SAFB: variants seen among roughly 807,000 people sequenced by gnomAD.
The protein encoded by SAFB is scaffold attachment factor B, also known as scaffold attachment factor B1.
SAFB carries 15 observed loss-of-function variants against 101.6 expected under a neutral mutation model. That is an observed-to-expected ratio of 0.15 (90% CI 0.10 to 0.23). SAFB has a LOEUF of 0.23. Among genes scored for constraint, SAFB ranks in the 10% least tolerant of loss-of-function variants. The pLI is 1.00. For synonymous variants in SAFB, 449 were observed against 407.5 expected (o/e 1.10, Z -1.23); for missense variants, 930 against 1,104.1 (o/e 0.84, Z 2.23).
intron 16 of SAFB, 99 bp from the exon 17 acceptor site, chr19:5,664,298 A>G: frequency 1.4e-6 from 2 of 1,441,098 alleles, no homozygotes; most frequent in Admixed American, 3.4e-5. Flanking sequence ...TCCTGCCTTC[A>G]GTTAGGGAAA....
At chr19:5,632,104 T>G (rs1402216766) in intron 2 of SAFB, among the ~76,000 whole-genome samples, 2 of 152,204 alleles carry the variant, frequency 1.3e-5, no homozygotes, top group Admixed American at 1.3e-4. Context: ...CATCACAAAG[T>G]ACAAATTAAT....
chr19:5,627,546 C>T (rs934856175), intron 2 of SAFB, among the ~76,000 whole-genome samples: 12 of 152,158 alleles, frequency 7.9e-5, no homozygotes, highest in African/African-American at 2.7e-4. Context: ...GTCACTTTAA[C>T]ATTTCTTTTA....
chr19:5,636,730 G>A (rs558885832), intron 2 of SAFB, among the ~76,000 whole-genome samples: 6 of 151,408 alleles, frequency 4.0e-5, no homozygotes, highest in African/African-American at 1.5e-4. Flanking sequence ...TTTTCTTTGA[G>A]ACAGGGTCTG....
At position 5,666,999 on chromosome 19, in the gene SAFB, C is replaced by T. The variant is rs369890421; in HGVS notation, c.2335-47C>T. On this transcript the variant is annotated intron_variant, in intron 17 of 20. Coordinates refer to ENST00000588852, the MANE Select transcript of SAFB (RefSeq NM_001201338.2). Reference sequence around the variant, plus strand: ...TGCCTGAAAAGCCTTGGGGTCTGGGCGCTGACACTGAAGCTTTTTTTTCCC... The same window carrying T: ...TGCCTGAAAAGCCTTGGGGTCTGGGTGCTGACACTGAAGCTTTTTTTTCCC... 1.3e-4 allele frequency: 152 copies of T among 1,193,424 alleles called. 1 individual carries two copies. Among genetic ancestry groups the T allele is most frequent in the Middle Eastern group, 2.1e-4 (1 of 4,656 alleles). 73.9% of individuals were successfully genotyped at this position (1,193,424 alleles called of 1,614,324 possible).
chr19:5,661,342 C>G lies in SAFB; in HGVS notation c.1863-176C>G, dbSNP rs946774649. 5 of 1,134,276 alleles carry G rather than the reference C, an allele frequency of 4.4e-6. No homozygotes were observed. The South Asian group carries it at 8.1e-5, about 18-fold the overall frequency. The allele number at this position is 1,134,276 out of a possible 1,614,324, so 70.3% of individuals were successfully genotyped here. On this transcript the variant is annotated intron_variant, in intron 14 of 20. Coordinates refer to ENST00000588852, the MANE Select transcript of SAFB (RefSeq NM_001201338.2). ...CCTGGGCCTCACTCCTGAGATCTTC[C>G]TGGGCTGCTCCTGTGGGCCCGAGAA...
rs1287767364 is a variant in SAFB at position 5,626,394 on chromosome 19, C to T, written c.190-11C>T. On this transcript the variant is annotated splice_polypyrimidine_tract_variant and intron_variant, in intron 1 of 20. Transcript: ENST00000588852. Reference sequence around the variant, plus strand: ...CTTTTTGGATCAACTTTACTTTTCCCTTCTTTTTAGGCAATTGAAGATGAA... The same window carrying T: ...CTTTTTGGATCAACTTTACTTTTCCTTTCTTTTTAGGCAATTGAAGATGAA... 1 of 1,561,724 alleles carries T rather than the reference C, an allele frequency of 6.4e-7. No individual in the cohort carries two copies. Among genetic ancestry groups the T allele is most frequent in the Admixed American group, 1.7e-5 (1 of 59,698 alleles).
At chr19:5,638,943 A>G (rs772301554) in intron 2 of SAFB, among the ~76,000 whole-genome samples, 2 of 151,928 alleles carry the variant, frequency 1.3e-5, no homozygotes, top group Non-Finnish European at 1.5e-5. Flanking sequence ...GCTGTTCTCA[A>G]ACTCTTCTCT....
intron 2 of SAFB, among the ~76,000 whole-genome samples, chr19:5,632,762 G>A (rs1228276615): frequency 1.3e-5 from 2 of 152,242 alleles, no homozygotes; most frequent in South Asian, 2.1e-4. Context: ...GTTTGAAACC[G>A]GGTCTTGCCC....
chr19:5,641,513 A>T, intron 2 of SAFB, 81 bp from the exon 3 acceptor site: 2 of 1,133,830 alleles, frequency 1.8e-6, no homozygotes, highest in Non-Finnish European at 2.6e-6. Context: ...TAAAGTGACC[A>T]CTTGTGTAGT....
At chr19:5,641,184 T>G (rs2053705025) in intron 2 of SAFB, among the ~76,000 whole-genome samples, 2 of 152,200 alleles carry the variant, frequency 1.3e-5, no homozygotes, top group African/African-American at 4.8e-5. Context: ...TTTTTTCTTT[T>G]TAAGCATTAA....
intron 11 of SAFB, among the ~76,000 whole-genome samples, chr19:5,653,731 C>T (rs1203282365): frequency 1.3e-5 from 2 of 150,528 alleles, no homozygotes; most frequent in African/African-American, 2.5e-5. Flanking sequence ...CCAAAGTGCT[C>T]GGATTACAGG....
At chr19:5,626,208 C>A (rs191597127) in intron 1 of SAFB, among the ~76,000 whole-genome samples, 197 bp from the exon 2 acceptor site, 98 of 152,268 alleles carry the variant, frequency 6.4e-4, no homozygotes, top group African/African-American at 2.2e-3. Flanking sequence ...GACCACCCAG[C>A]TAAGAACTGG....
chr19:5,661,636 C>T lies in SAFB; in HGVS notation c.1981C>T (p.Arg661Trp). 1 of 1,612,374 alleles carries T rather than the reference C, an allele frequency of 6.2e-7. No homozygotes were observed. Among genetic ancestry groups the T allele is most frequent in the Non-Finnish European group, 8.5e-7 (1 of 1,179,710 alleles). The change falls in exon 15 of 21, where the codon CGG becomes TGG. Residue 661 changes from arginine (R) to tryptophan (W), a missense_variant. By Grantham distance (101) the Arg-to-Trp change is moderately radical. Coordinates refer to ENST00000588852, the MANE Select transcript of SAFB (RefSeq NM_001201338.2). ...RLAFQRQRLE[R>W]ERMERERLER... The stretch of plus-strand genomic sequence containing the variant: ...GGCCTTCCAGCGCCAGCGGCTGGAG[C>T]GGGAGCGCATGGAGCGGGAACGGCT...
chr19:5,642,865 C>A (rs895821720), intron 4 of SAFB, among the ~76,000 whole-genome samples: 1 of 151,842 alleles, frequency 6.6e-6, no homozygotes, highest in Non-Finnish European at 1.5e-5. Context: ...ACGGTTTTCA[C>A]CATGTTGGCC....
In SAFB at chr19:5,664,389, CT is replaced by C. The variant is rs753099530; in HGVS notation, c.2292-4del. On this transcript the variant is annotated splice_region_variant and splice_polypyrimidine_tract_variant and intron_variant, in intron 16 of 20. Transcript: ENST00000588852. ...CCCCTTACGGTTTGATTTAAATTGC[CT>C]TTTCAGGAGAGAAGGTTCAAGGTCA... 1.6e-5 allele frequency: 25 copies of C among 1,612,356 alleles called. No homozygotes were observed. The highest frequency in any genetic ancestry group is 1.6e-5 in the Non-Finnish European group (19 of 1,178,506).
At chr19:5,630,271 C>T (rs903826997) in intron 2 of SAFB, among the ~76,000 whole-genome samples, 1 of 152,146 alleles carries the variant, frequency 6.6e-6, no homozygotes, top group African/African-American at 2.4e-5. Flanking sequence ...ACATTTGTGT[C>T]GTCTGAATGG....
intron 2 of SAFB, among the ~76,000 whole-genome samples, chr19:5,634,641 A>T (rs190292925): frequency 1.3e-5 from 2 of 152,228 alleles, no homozygotes; most frequent in African/African-American, 4.8e-5. Context: ...AGAAACTCAT[A>T]TCCAGAAAGC....
At position 5,667,366 on chromosome 19, in the gene SAFB, G is replaced by T. The variant is rs1476303230; in HGVS notation, c.2473G>T (p.Asp825Tyr). ...TTCAAGGGGCAGACGTGACTGGGGG[G>T]ACCATGGCCGAAGAGAGGATGACCG... ...PPPRGRRDWGDHGRREDDRSW... is the reference protein window; with the variant it reads ...PPPRGRRDWGYHGRREDDRSW... The change falls in exon 19 of 21, where the codon GAC becomes TAC. Residue 825 changes from aspartate to tyrosine, a missense_variant. This residue lies in a region of SAFB where 318 missense variants were observed against 342.6 expected (regional missense o/e 0.93). Coordinates refer to ENST00000588852, the MANE Select transcript of SAFB (RefSeq NM_001201338.2). This position sits in a 1 kb window ranked among gnomAD's most constrained non-coding sequence, Gnocchi z 4.0. 4 of 1,504,328 alleles carry T rather than the reference G, an allele frequency of 2.7e-6. No homozygotes were observed. The highest frequency in any genetic ancestry group is 1.8e-6 in the Non-Finnish European group (2 of 1,130,610). The allele number at this position is 1,504,328 out of a possible 1,614,324, so 93.2% of individuals were successfully genotyped here. A position where few individuals can be genotyped will look rare whatever the true frequency, so the allele number is the denominator to read the frequency against.
At chr19:5,661,372 TCTTCCCG>T in intron 14 of SAFB, 139 bp from the exon 15 acceptor site, 1 of 1,431,080 alleles carries the variant, frequency 7.0e-7, no homozygotes, top group Non-Finnish European at 9.3e-7. Context: ...CGAGAAGCCT[TCTTCCCG>T]CTGGAGTGTA....
Sources: gnomAD v4.1 joint callset for allele counts (sites outside exome capture counted in the v4.1 genomes callset) on GRCh38, gnomAD v4.1.1 for gene constraint, gnomAD v4.1.1 regional missense constraint, Gnocchi (gnomAD v3.1) non-coding constraint, MANE v1.5 for transcripts, NCBI Gene and HGNC (gene_info 2026-07-23, HGNC 2026-07-21) for gene names.